Variants in UBA5 observed in about 807,000 individuals in gnomAD.
UBA5 encodes ubiquitin like modifier activating enzyme 5.
A neutral mutation model predicts 52.9 loss-of-function variants in UBA5; 28 were observed. The ratio of observed to expected loss-of-function variants is 0.53; its 90% CI spans 0.39 to 0.73. The LOEUF is 0.73. Ranked by LOEUF, UBA5 falls within the 30% of genes least tolerant of loss-of-function variation. The probability of loss-of-function intolerance (pLI) is 0.00; values close to 1 mark genes in which losing one functional copy is unlikely to be tolerated. For missense variants in UBA5, 388 were observed against 492.7 expected (o/e 0.79, Z 2.01); for synonymous variants, 135 against 162.1 (o/e 0.83, Z 1.27).
rs1158479304 is a variant in UBA5 at position 132,676,891 on chromosome 3, TA to T, written c.*368del. On this transcript the variant is annotated 3_prime_UTR_variant, in exon 12 of 12. Coordinates refer to ENST00000356232, the MANE Select transcript of UBA5 (RefSeq NM_024818.6). The surrounding 1 kb of genome is among the most constrained non-coding windows in gnomAD (Gnocchi z 4.1). ...GTCTGTTGCATGAGGACATGGACAA[TA>T]AAGTAGTATATGATCCTCAGATACA... The T allele has an allele frequency of 2.2e-6, 1 of 457,668 alleles. No homozygotes were observed. 28.4% of individuals were successfully genotyped at this position (457,668 alleles called of 1,614,324 possible).
At position 132,665,827 on chromosome 3, in the gene UBA5, T is replaced by A; in HGVS notation, c.166T>A (p.Leu56Met). Residue 56 changes from leucine (L) to methionine (M), a missense_variant, in exon 2 of 12, where the codon TTG becomes ATG. By Grantham distance (15) the Leu-to-Met change is conservative. Transcript: ENST00000356232. Reference protein sequence around the residue: ...EVVDSNPYSRLMALKRMGIVS... With the variant: ...EVVDSNPYSRMMALKRMGIVS... ...CATATTTTTCTTTGTTTTAAGCCGC[T>A]TGATGGCATTGAAACGAATGGGAAT... 6.2e-7 allele frequency: 1 copy of A among 1,613,450 alleles called. No homozygotes were observed. Among genetic ancestry groups the A allele is most frequent in the Non-Finnish European group, 8.5e-7 (1 of 1,179,478 alleles).
chr3:132,660,748 C>T lies in UBA5; in HGVS notation c.161+50C>T. ...CAGGCGCGGGGGACGAGGTCAGGCT[C>T]CGTGAGGTCAGAAGTGAGGCGCTTC... On this transcript the variant is annotated intron_variant, in intron 1 of 11. Transcript: ENST00000356232. This position sits in a 1 kb window ranked among gnomAD's most constrained non-coding sequence, Gnocchi z 4.1. The T allele has an allele frequency of 6.7e-7, 1 of 1,486,368 alleles. No homozygotes were observed. The highest frequency in any genetic ancestry group is 9.0e-7 in the Non-Finnish European group (1 of 1,112,450). The allele number at this position is 1,486,368 out of a possible 1,614,324, so 92.1% of individuals were successfully genotyped here.
chr3:132,655,773 C>T (rs1176065885), upstream of UBA5, among the ~76,000 whole-genome samples: 2 of 152,204 alleles, frequency 1.3e-5, no homozygotes, highest in African/African-American at 2.4e-5. Flanking sequence ...GTTACATCCT[C>T]AGTGGTTGAT....
upstream of UBA5, among the ~76,000 whole-genome samples, chr3:132,655,606 C>T (rs1035344596): frequency 2.0e-5 from 3 of 152,172 alleles, no homozygotes; most frequent in Non-Finnish European, 2.9e-5. Flanking sequence ...TGCTGAATGC[C>T]GTGTGCTCGA....
Position 132,676,932 on chromosome 3 carries a change from G to T in UBA5, c.*406G>T, listed in dbSNP as rs73000594. 6.9e-4 allele frequency: 312 copies of T among 453,728 alleles called. No homozygotes were observed. The highest frequency in any genetic ancestry group is 5.2e-3 in the African/African-American group (263 of 50,096). 28.1% of individuals were successfully genotyped at this position (453,728 alleles called of 1,614,324 possible). A position where few individuals can be genotyped will look rare whatever the true frequency, so the allele number is the denominator to read the frequency against. On this transcript the variant is annotated 3_prime_UTR_variant, in exon 12 of 12. Coordinates refer to ENST00000356232, the MANE Select transcript of UBA5 (RefSeq NM_024818.6). This position sits in a 1 kb window ranked among gnomAD's most constrained non-coding sequence, Gnocchi z 4.1. ...CCTCAGATACAGGGAGAAGGACAAG[G>T]CATACAGCTTATTGATTAGAGCTGG... is the stretch of plus-strand genomic sequence containing the variant.
At chr3:132,659,564 A>G (rs75759619), upstream of UBA5, 1,751 of 1,608,062 alleles carry the variant, frequency 1.1e-3, 16 homozygotes, top group African/African-American at 0.02. Flanking sequence ...CTCAATGTAC[A>G]AATTTTTTTC....
Position 132,672,423 on chromosome 3 carries a change from G to A in UBA5, c.812+246G>A, listed in dbSNP as rs189489767. On this transcript the variant is annotated intron_variant, in intron 8 of 11. Coordinates refer to ENST00000356232, the MANE Select transcript of UBA5 (RefSeq NM_024818.6). ...ATAATACATGTGTGCATATTCATAC[G>A]TGAATATATGTGAATGTCAGTTACT... Among the ~76,000 whole-genome samples, 119 of 151,994 alleles carry A rather than the reference G, an allele frequency of 7.8e-4. 1 individual carries two copies. Among genetic ancestry groups the A allele is most frequent in the African/African-American group, 2.6e-3 (109 of 41,454 alleles).
At position 132,678,114 on chromosome 3, in the gene UBA5, GTCT is replaced by G. The variant is rs1390945104; in HGVS notation, c.*1593_*1595del. On this transcript the variant is annotated 3_prime_UTR_variant, in exon 12 of 12. Coordinates refer to ENST00000356232, the MANE Select transcript of UBA5 (RefSeq NM_024818.6). ...TAAAGTATCACATCTAGAATTCACTGTCTTCTTTTATCTGCTCTCAAGTTGGCA... is the reference window on the plus strand; with the variant it reads ...TAAAGTATCACATCTAGAATTCACTGTCTTTTATCTGCTCTCAAGTTGGCA... The G allele has an allele frequency of 1.8e-4, 27 of 152,224 alleles. No individual in the cohort carries two copies. Among genetic ancestry groups the G allele is most frequent in the African/African-American group, 6.5e-4 (27 of 41,540 alleles). 9.4% of individuals were successfully genotyped at this position (152,224 alleles called of 1,614,324 possible). A position where few individuals can be genotyped will look rare whatever the true frequency, so the allele number is the denominator to read the frequency against.
At chr3:132,661,149 T>C in intron 1 of UBA5, 4 of 1,019,962 alleles carry the variant, frequency 3.9e-6, no homozygotes, top group Non-Finnish European at 5.2e-6. Context: ...CGGGTGCTCC[T>C]TAACATCTCA....
At chr3:132,657,965 G>T (rs1373709395), upstream of UBA5, among the ~76,000 whole-genome samples, 1 of 149,292 alleles carries the variant, frequency 6.7e-6, no homozygotes, top group Non-Finnish European at 1.5e-5. Flanking sequence ...TGGTTCAAGC[G>T]ATTCTCCTGC....
chr3:132,660,745 G>T lies in UBA5; in HGVS notation c.161+47G>T, dbSNP rs774231165. ...AGGCAGGCGCGGGGGACGAGGTCAG[G>T]CTCCGTGAGGTCAGAAGTGAGGCGC... On this transcript the variant is annotated intron_variant, in intron 1 of 11. Coordinates refer to ENST00000356232, the MANE Select transcript of UBA5 (RefSeq NM_024818.6). The surrounding 1 kb of genome is among the most constrained non-coding windows in gnomAD (Gnocchi z 4.1). 2 of 1,488,144 alleles carry T rather than the reference G, an allele frequency of 1.3e-6. No homozygotes were observed. The allele number at this position is 1,488,144 out of a possible 1,614,324, so 92.2% of individuals were successfully genotyped here.
intron 5 of UBA5, 46 bp from the exon 6 acceptor site, chr3:132,670,919 T>A (rs781315472): frequency 7.5e-7 from 1 of 1,339,752 alleles, no homozygotes; most frequent in Non-Finnish European, 1.1e-6. Flanking sequence ...TGTATTAGAG[T>A]GTATTTTGTG....
intron 1 of UBA5, among the ~76,000 whole-genome samples, chr3:132,663,171 G>A (rs966121384): frequency 6.6e-6 from 1 of 152,034 alleles, no homozygotes; most frequent in African/African-American, 2.4e-5. Flanking sequence ...CCAGTTTATT[G>A]CAAGAATCCC....
At chr3:132,664,431 C>T (rs1382829672) in intron 1 of UBA5, among the ~76,000 whole-genome samples, 1 of 152,066 alleles carries the variant, frequency 6.6e-6, no homozygotes, top group Non-Finnish European at 1.5e-5. Flanking sequence ...CAAAATTTAC[C>T]TTTGCCGTAC....
At position 132,670,702 on chromosome 3, in the gene UBA5, G is replaced by A. The variant is rs1369209784; in HGVS notation, c.495-263G>A. The A allele has an allele frequency of 3.0e-5, 8 of 265,246 alleles. No individual in the cohort carries two copies. The Admixed American group carries it at 3.1e-4, about 10-fold the overall frequency. 16.4% of individuals were successfully genotyped at this position (265,246 alleles called of 1,614,324 possible). A position where few individuals can be genotyped will look rare whatever the true frequency, so the allele number is the denominator to read the frequency against. On this transcript the variant is annotated intron_variant, in intron 5 of 11. Transcript: ENST00000356232. ...AGCTGGTAGTGAAAAAATAACTGTTGTGAACATACTTTATACTTCCTTCAC... is the reference window on the plus strand; with the variant it reads ...AGCTGGTAGTGAAAAAATAACTGTTATGAACATACTTTATACTTCCTTCAC...
upstream of UBA5, chr3:132,660,270 C>T: frequency 1.8e-6 from 1 of 565,590 alleles, no homozygotes; most frequent in Non-Finnish European, 3.1e-6. This position sits in a 1 kb window ranked among gnomAD's most constrained non-coding sequence, Gnocchi z 4.1. Context: ...TTAGCCGGCC[C>T]AGCGAGGAAG....
At chr3:132,671,492 C>A (rs12495862) in intron 6 of UBA5, among the ~76,000 whole-genome samples, 20,026 of 151,844 alleles carry the variant, frequency 0.13, 1,935 homozygotes, top group East Asian at 0.58. Flanking sequence ...TTTGTTCCTG[C>A]AATGATTTTA....
At chr3:132,669,666 G>A (rs1197494557) in intron 4 of UBA5, among the ~76,000 whole-genome samples, 1 of 152,174 alleles carries the variant, frequency 6.6e-6, no homozygotes, top group Non-Finnish European at 1.5e-5. Context: ...ACAAAAACAG[G>A]TGGTGGGCCA....
At position 132,675,854 on chromosome 3, in the gene UBA5, G is replaced by C. The variant is rs1938815200; in HGVS notation, c.1062G>C (p.Leu354=). The stretch of plus-strand genomic sequence containing the variant: ...TATCTGAGGTTTCAGAAGAGGAACT[G>C]AAAAATTTTTCAGGTCCAGTTCCAG... The part of the protein sequence containing the change: ...ELVSEVSEEE[L]KNFSGPVPDL... Residue 354 remains leucine, a synonymous_variant, in exon 11 of 12, where the codon CTG becomes CTC. Transcript: ENST00000356232. 5 of 1,611,536 alleles carry C rather than the reference G, an allele frequency of 3.1e-6. No homozygotes were observed. The East Asian group carries it at 1.1e-4, about 36-fold the overall frequency.
Sources: gnomAD v4.1 joint callset for allele counts (sites outside exome capture counted in the v4.1 genomes callset) on GRCh38, gnomAD v4.1.1 for gene constraint, Gnocchi (gnomAD v3.1) non-coding constraint, MANE v1.5 for transcripts, NCBI Gene and HGNC (gene_info 2026-07-23, HGNC 2026-07-21) for gene names.